The following STK32B variants were observed in gnomAD, a reference collection of about 807,000 sequenced individuals.
STK32B encodes serine/threonine-protein kinase 32B.
STK32B carries 43 observed loss-of-function variants against 52.6 expected under a neutral mutation model. The observed-to-expected ratio is 0.82, with a 90% CI of 0.64 to 1.05. STK32B has a LOEUF of 1.05. Ranked by LOEUF, STK32B falls within the 50% of genes least tolerant of loss-of-function variation. The probability of loss-of-function intolerance (pLI) is 0.00; values close to 1 mark genes in which losing one functional copy is unlikely to be tolerated. For missense variants in STK32B, 621 were observed against 534.6 expected, an observed-to-expected ratio of 1.16 and a Z score of -1.59; for synonymous variants, 238 against 204.3, an observed-to-expected ratio of 1.17 and a Z score of -1.41.
chr4:5,215,838 A>G (rs916279835), intron 3 of STK32B, among the ~76,000 whole-genome samples: 1 of 152,164 alleles, frequency 6.6e-6, no homozygotes, highest in Admixed American at 6.5e-5. Context: ...TCCAGTGTTC[A>G]AGTCAATATC....
At chr4:5,483,927 G>T (rs1368776119) in intron 11 of STK32B, among the ~76,000 whole-genome samples, 1 of 152,088 alleles carries the variant, frequency 6.6e-6, no homozygotes, top group Non-Finnish European at 1.5e-5. Context: ...CTGAGTTCTA[G>T]TTTGATTGCA....
intron 2 of STK32B, among the ~76,000 whole-genome samples, chr4:5,142,934 G>A (rs1716587235): frequency 6.6e-6 from 1 of 152,220 alleles, no homozygotes; most frequent in African/African-American, 2.4e-5. Context: ...CTTCCCTGAT[G>A]AAGGAGGAAT....
In STK32B at chr4:5,386,808, G is replaced by C. The variant is rs1437923192; in HGVS notation, c.435-11399G>C. ...GACCCTCCATTGGGTCCAACTCTCGGATTCCAATAGAAGTCACGTGGATAG... is the reference window on the plus strand; with the variant it reads ...GACCCTCCATTGGGTCCAACTCTCGCATTCCAATAGAAGTCACGTGGATAG... On this transcript the variant is annotated intron_variant, in intron 4 of 11. Transcript: ENST00000282908. This position sits in a 1 kb window ranked among gnomAD's most constrained non-coding sequence, Gnocchi z 4.5. 6.6e-6 allele frequency among the ~76,000 whole-genome samples: 1 copy of C among 152,210 alleles called. No homozygotes were observed.
At chr4:5,115,756 A>T (rs939499385) in intron 1 of STK32B, among the ~76,000 whole-genome samples, 13 of 152,170 alleles carry the variant, frequency 8.5e-5, no homozygotes, top group Admixed American at 1.3e-4. Flanking sequence ...TTCTCATTCA[A>T]TCAAAGACAA....
chr4:5,361,599 A>G (rs2108999358), intron 4 of STK32B, among the ~76,000 whole-genome samples: 1 of 152,342 alleles, frequency 6.6e-6, no homozygotes, highest in South Asian at 2.1e-4. Flanking sequence ...TCCTGGGCTG[A>G]AGTGATCCTC....
Position 5,400,566 on chromosome 4 carries a change from T to C in STK32B, c.472+2322T>C. Reference sequence around the variant, plus strand: ...GCGTTGAATATAATATTTCATACTGTGAGGTGAATGGCTGATAACCCTTCC... The same window carrying C: ...GCGTTGAATATAATATTTCATACTGCGAGGTGAATGGCTGATAACCCTTCC... On this transcript the variant is annotated intron_variant, in intron 5 of 11. Coordinates refer to ENST00000282908, the MANE Select transcript of STK32B (RefSeq NM_018401.3). This position sits in a 1 kb window ranked among gnomAD's most constrained non-coding sequence, Gnocchi z 6.1. 6.6e-6 allele frequency among the ~76,000 whole-genome samples: 1 copy of C among 152,150 alleles called. No individual in the cohort carries two copies. The highest frequency in any genetic ancestry group is 1.5e-5 in the Non-Finnish European group (1 of 68,036).
chr4:5,445,318 A>T (rs1046599765), intron 6 of STK32B, among the ~76,000 whole-genome samples: 1 of 152,194 alleles, frequency 6.6e-6, no homozygotes, highest in African/African-American at 2.4e-5. Context: ...GTGAATGCCC[A>T]TCTAGAAACT....
intron 3 of STK32B, among the ~76,000 whole-genome samples, chr4:5,232,652 C>T (rs1209806110): frequency 1.3e-5 from 2 of 152,092 alleles, no homozygotes; most frequent in East Asian, 3.9e-4. Flanking sequence ...TGCCAATGGT[C>T]GGTAAGTTGG....
At chr4:5,479,787 A>G (rs1053440920) in intron 11 of STK32B, among the ~76,000 whole-genome samples, 5 of 152,012 alleles carry the variant, frequency 3.3e-5, no homozygotes, top group Admixed American at 1.3e-4. Flanking sequence ...CCATTATTCA[A>G]TTTGGTATGT....
intron 1 of STK32B, among the ~76,000 whole-genome samples, chr4:5,065,528 G>A (rs1462671011): frequency 6.6e-6 from 1 of 152,102 alleles, no homozygotes; most frequent in East Asian, 1.9e-4. Flanking sequence ...AAATACACTG[G>A]AAGAAGGAAG....
intron 4 of STK32B, among the ~76,000 whole-genome samples, chr4:5,341,439 G>A (rs551079672): frequency 3.6e-4 from 55 of 152,306 alleles, no homozygotes; most frequent in Middle Eastern, 3.4e-3. Context: ...CTTCTTCACC[G>A]AGTGTCCCTG....
intron 1 of STK32B, among the ~76,000 whole-genome samples, chr4:5,120,550 A>G (rs1714972217): frequency 6.6e-6 from 1 of 152,248 alleles, no homozygotes; most frequent in Non-Finnish European, 1.5e-5. Flanking sequence ...AACAGTATAT[A>G]TAGGATTCAG....
At chr4:5,332,500 T>C (rs530378983) in intron 4 of STK32B, among the ~76,000 whole-genome samples, 138 of 152,216 alleles carry the variant, frequency 9.1e-4, no homozygotes, top group African/African-American at 3.2e-3. Context: ...TTTGTTTTAT[T>C]TTATTATTAT....
chr4:5,354,770 A>G (rs542995105), intron 4 of STK32B, among the ~76,000 whole-genome samples: 1 of 152,370 alleles, frequency 6.6e-6, no homozygotes, highest in African/African-American at 2.4e-5. Context: ...TGAACATTAC[A>G]TATTCTATGC....
At chr4:5,064,467 A>G (rs1346303427) in intron 1 of STK32B, among the ~76,000 whole-genome samples, 2 of 86,084 alleles carry the variant, frequency 2.3e-5, no homozygotes, top group South Asian at 5.9e-4. Context: ...ATATACATAT[A>G]ATATATAAAT....
At chr4:5,251,408 A>G (rs1725917655) in intron 3 of STK32B, among the ~76,000 whole-genome samples, 1 of 151,966 alleles carries the variant, frequency 6.6e-6, no homozygotes, top group Non-Finnish European at 1.5e-5. Flanking sequence ...GTGCAGCTTT[A>G]TTTCTGGGCT....
chr4:5,261,122 G>A (rs1726683419), intron 3 of STK32B, among the ~76,000 whole-genome samples: 1 of 152,144 alleles, frequency 6.6e-6, no homozygotes, highest in South Asian at 2.1e-4. Flanking sequence ...GCAGCTGGGG[G>A]GCGAGCCTGC....
chr4:5,339,137 G>A (rs927258666), intron 4 of STK32B, among the ~76,000 whole-genome samples: 1 of 152,098 alleles, frequency 6.6e-6, no homozygotes, highest in Non-Finnish European at 1.5e-5. Context: ...CTTAGACTGG[G>A]ACTTACACTA....
intron 5 of STK32B, among the ~76,000 whole-genome samples, chr4:5,401,691 AG>A (rs748731451): frequency 1.3e-5 from 2 of 152,252 alleles, no homozygotes; most frequent in Non-Finnish European, 2.9e-5. Context: ...AGTGCATTTT[AG>A]GCTGAGGATC....
Sources: gnomAD v4.1 joint callset for allele counts (sites outside exome capture counted in the v4.1 genomes callset) on GRCh38, gnomAD v4.1.1 for gene constraint, Gnocchi (gnomAD v3.1) non-coding constraint, MANE v1.5 for transcripts, NCBI Gene and HGNC (gene_info 2026-07-23, HGNC 2026-07-21) for gene names.